Variants in FNIP2 observed in about 807,000 individuals in gnomAD.
FNIP2 encodes the protein folliculin-interacting protein 2.
FNIP2 carries 32 observed loss-of-function variants against 108.7 expected under a neutral mutation model. The observed-to-expected ratio is 0.29, with a 90% confidence interval of 0.22 to 0.40. The LOEUF is 0.40. Among genes scored for constraint, FNIP2 ranks in the 10% least tolerant of loss-of-function variants. The pLI is 1.00. For missense variants in FNIP2, 1,202 were observed against 1,381.6 expected, an observed-to-expected ratio of 0.87 and a Z score of 2.06; for synonymous variants, 480 against 496.7, an observed-to-expected ratio of 0.97 and a Z score of 0.45.
chr4:158,836,327 A>G (rs1381324299), intron 7 of FNIP2: 1 of 151,582 alleles, frequency 6.6e-6, no homozygotes, highest in African/African-American at 2.4e-5. Flanking sequence ...CTTTTAACCC[A>G]CTCTGTGCAA....
At chr4:158,804,185 G>A (rs566345594) in intron 1 of FNIP2, among the ~76,000 whole-genome samples, 3 of 151,892 alleles carry the variant, frequency 2.0e-5, no homozygotes, top group Non-Finnish European at 2.9e-5. Context: ...CAAATGATCC[G>A]TCCACCTCAG....
chr4:158,828,345 G>A lies in FNIP2; in HGVS notation c.235-734G>A, dbSNP rs141010831. On this transcript the variant is annotated intron_variant, in intron 2 of 16. Transcript: ENST00000264433. ...TTAAAAACACAAGTAGGCCGGGCGC[G>A]GTGGCTCACGCCTGTAATCCAGCAC... Among the ~76,000 whole-genome samples, 433 of 152,312 alleles carry A rather than the reference G, an allele frequency of 2.8e-3. 3 individuals are homozygous for A. The highest frequency in any genetic ancestry group is 9.6e-3 in the African/African-American group (400 of 41,558).
intron 14 of FNIP2, among the ~76,000 whole-genome samples, chr4:158,879,820 C>G (rs1325559377): frequency 6.6e-6 from 1 of 150,410 alleles, no homozygotes; most frequent in Non-Finnish European, 1.5e-5. Flanking sequence ...GACATTTATG[C>G]AGCCAACAGA....
intron 16 of FNIP2, among the ~76,000 whole-genome samples, chr4:158,900,816 G>T (rs953707608): frequency 6.6e-6 from 1 of 152,104 alleles, no homozygotes; most frequent in Admixed American, 6.6e-5. Context: ...TTTAATTGGG[G>T]CATTTAGCCC....
chr4:158,788,517 T>C (rs556325047), intron 1 of FNIP2, among the ~76,000 whole-genome samples: 227 of 152,350 alleles, frequency 1.5e-3, no homozygotes, highest in African/African-American at 5.1e-3. Context: ...TTGGGGTTTT[T>C]GATGGGTGAT....
intron 1 of FNIP2, among the ~76,000 whole-genome samples, chr4:158,807,107 A>C (rs1311799329): frequency 6.6e-6 from 1 of 152,232 alleles, no homozygotes; most frequent in African/African-American, 2.4e-5. Flanking sequence ...CAATAAAAAC[A>C]AAAAACTGTT....
intron 7 of FNIP2, among the ~76,000 whole-genome samples, chr4:158,843,016 G>A (rs758140236): frequency 6.6e-6 from 1 of 152,140 alleles, no homozygotes; most frequent in Non-Finnish European, 1.5e-5. Flanking sequence ...GTGTTTGTGT[G>A]TTGAGAAATA....
At chr4:158,838,513 G>A (rs1337683593) in intron 7 of FNIP2, among the ~76,000 whole-genome samples, 1 of 152,086 alleles carries the variant, frequency 6.6e-6, no homozygotes, top group South Asian at 2.1e-4. Flanking sequence ...GAGCCACCAC[G>A]CCTAGCCTAG....
chr4:158,851,260 A>C (rs931848816), intron 7 of FNIP2, 61 bp from the exon 8 acceptor site: 5 of 1,578,182 alleles, frequency 3.2e-6, no homozygotes, highest in Non-Finnish European at 4.4e-6. Context: ...AATGTTGTGC[A>C]TTATGTAGCT....
intron 1 of FNIP2, among the ~76,000 whole-genome samples, chr4:158,786,048 A>G (rs1254127403): frequency 6.6e-6 from 1 of 152,162 alleles, no homozygotes; most frequent in African/African-American, 2.4e-5. Context: ...CTCATTTGCC[A>G]TCTGTCTCTT....
At chr4:158,811,522 ATCTC>A (rs1777267916) in intron 1 of FNIP2, among the ~76,000 whole-genome samples, 2 of 151,552 alleles carry the variant, frequency 1.3e-5, no homozygotes, top group Non-Finnish European at 2.9e-5. Context: ...ACATCATTTC[ATCTC>A]TCTGTTTTTG....
intron 1 of FNIP2, among the ~76,000 whole-genome samples, chr4:158,807,433 T>A (rs1382110194): frequency 6.6e-6 from 1 of 152,078 alleles, no homozygotes; most frequent in Non-Finnish European, 1.5e-5. Flanking sequence ...AGCCCAGGAG[T>A]TGTAGGCTGC....
chr4:158,899,264 G>C (rs1422721810), intron 16 of FNIP2, among the ~76,000 whole-genome samples: 1 of 152,116 alleles, frequency 6.6e-6, no homozygotes, highest in African/African-American at 2.4e-5. Flanking sequence ...GTTTTATTGA[G>C]GATTTTTGCA....
At chr4:158,872,639 T>G (rs2126716455) in intron 14 of FNIP2, 1 of 984,988 alleles carries the variant, frequency 1.0e-6, no homozygotes, top group South Asian at 4.7e-5. Context: ...CAATTAGCAT[T>G]AGTGGATTTC....
intron 1 of FNIP2, chr4:158,808,485 A>G (rs1386203083): frequency 6.6e-6 from 1 of 152,108 alleles, no homozygotes; most frequent in East Asian, 1.9e-4. Flanking sequence ...ATTGGAATTC[A>G]TCTCTAGTCA....
chr4:158,866,470 G>A (rs146494988), intron 12 of FNIP2, among the ~76,000 whole-genome samples: 55 of 150,100 alleles, frequency 3.7e-4, no homozygotes, highest in African/African-American at 1.2e-3. Flanking sequence ...CGCCCACCTC[G>A]GCCTCCCAAA....
chr4:158,781,331 G>A (rs961599863), intron 1 of FNIP2, among the ~76,000 whole-genome samples: 22 of 152,118 alleles, frequency 1.4e-4, no homozygotes, highest in African/African-American at 9.7e-5. Context: ...TGGGTGGACC[G>A]GTCTCTGTGA....
chr4:158,776,833 C>T (rs995589157), intron 1 of FNIP2, among the ~76,000 whole-genome samples: 9 of 152,160 alleles, frequency 5.9e-5, no homozygotes, highest in African/African-American at 2.2e-4. Flanking sequence ...ACTGATGATC[C>T]TTAAAGAGTC....
intron 12 of FNIP2, among the ~76,000 whole-genome samples, chr4:158,867,019 G>A (rs930521855): frequency 2.0e-5 from 3 of 152,156 alleles, no homozygotes; most frequent in Non-Finnish European, 4.4e-5. Flanking sequence ...AGTTTTAATA[G>A]TTAGGCACTG....
Sources: allele counts gnomAD v4.1 joint callset (sites outside exome capture counted in the v4.1 genomes callset), GRCh38; gene constraint gnomAD v4.1.1; transcripts MANE v1.5; gene names NCBI Gene and HGNC (gene_info 2026-07-23, HGNC 2026-07-21).